The following COMMD10 variants were observed in gnomAD, a reference collection of about 807,000 sequenced individuals.
The protein encoded by COMMD10 is COMM domain-containing protein 10.
COMMD10 carries 33 observed loss-of-function variants against 28.9 expected under a neutral mutation model. The observed-to-expected ratio is 1.14, with a 90% CI of 0.87 to 1.53. The LOEUF is 1.53. Among genes scored for constraint, COMMD10 ranks in the 40% most tolerant of loss-of-function variants. The pLI, the probability that COMMD10 is intolerant of heterozygous loss-of-function variation, is 0.00. For missense variants in COMMD10, 310 were observed against 233.4 expected, an observed-to-expected ratio of 1.33 and a Z score of -2.14; for synonymous variants, 110 against 81.7, an observed-to-expected ratio of 1.35 and a Z score of -1.87.
At chr5:116,156,125 A>G (rs1402982038) in intron 5 of COMMD10, among the ~76,000 whole-genome samples, 1 of 152,118 alleles carries the variant, frequency 6.6e-6, no homozygotes, top group Non-Finnish European at 1.5e-5. Flanking sequence ...GCATTTATGT[A>G]CAAAATAAAG....
intron 5 of COMMD10, among the ~76,000 whole-genome samples, chr5:116,204,243 G>A (rs569252195): frequency 2.0e-5 from 3 of 152,242 alleles, no homozygotes; most frequent in East Asian, 1.9e-4. Context: ...CATAAAGCAA[G>A]TCCTAAGTGA....
intron 5 of COMMD10, among the ~76,000 whole-genome samples, chr5:116,279,237 T>C (rs1751001284): frequency 6.6e-6 from 1 of 151,840 alleles, no homozygotes; most frequent in African/African-American, 2.4e-5. Flanking sequence ...GTAGGAATCA[T>C]GGGCCAGAGT....
intron 1 of COMMD10, among the ~76,000 whole-genome samples, chr5:116,086,992 T>A (rs767283588): frequency 2.0e-5 from 3 of 152,202 alleles, no homozygotes; most frequent in Non-Finnish European, 4.4e-5. Flanking sequence ...TGATTACTGT[T>A]GTAATAATAA....
chr5:116,229,011 A>G (rs1749465000), intron 5 of COMMD10, among the ~76,000 whole-genome samples: 1 of 152,064 alleles, frequency 6.6e-6, no homozygotes, highest in Non-Finnish European at 1.5e-5. Flanking sequence ...ATTTGCCTAT[A>G]GACATTACAG....
intron 5 of COMMD10, among the ~76,000 whole-genome samples, chr5:116,211,790 ACT>A (rs1239682278): frequency 5.3e-5 from 8 of 152,182 alleles, no homozygotes; most frequent in South Asian, 2.1e-4. Flanking sequence ...GCACACGCAC[ACT>A]CTCTCACAGA....
At chr5:116,273,399 A>G (rs1041667894) in intron 5 of COMMD10, among the ~76,000 whole-genome samples, 3 of 151,790 alleles carry the variant, frequency 2.0e-5, no homozygotes, top group Non-Finnish European at 2.9e-5. Flanking sequence ...CCATTCTGTC[A>G]TTTTTCCTCA....
intron 5 of COMMD10, among the ~76,000 whole-genome samples, chr5:116,138,862 T>A (rs955353404): frequency 2.0e-5 from 3 of 151,782 alleles, no homozygotes; most frequent in African/African-American, 7.2e-5. Context: ...AGTTCTTTTT[T>A]AAAGTGTTTA....
intron 5 of COMMD10, among the ~76,000 whole-genome samples, chr5:116,194,084 A>C (rs1319035625): frequency 6.6e-6 from 1 of 152,158 alleles, no homozygotes; most frequent in African/African-American, 2.4e-5. Context: ...TCAAAAACAA[A>C]ATCAAGATGG....
At chr5:116,219,310 C>A (rs186759408) in intron 5 of COMMD10, among the ~76,000 whole-genome samples, 1 of 152,142 alleles carries the variant, frequency 6.6e-6, no homozygotes, top group Admixed American at 6.5e-5. Flanking sequence ...TCCCCTTCCC[C>A]TTCCCATTTT....
chr5:116,265,792 G>A (rs1337563031), intron 5 of COMMD10, among the ~76,000 whole-genome samples: 1 of 151,732 alleles, frequency 6.6e-6, no homozygotes, highest in Non-Finnish European at 1.5e-5. Context: ...AGGTCACACA[G>A]CCAGTGATTT....
intron 5 of COMMD10, among the ~76,000 whole-genome samples, chr5:116,137,166 A>T (rs947061029): frequency 7.2e-5 from 11 of 151,986 alleles, no homozygotes; most frequent in African/African-American, 2.7e-4. Flanking sequence ...TTGGTATTCT[A>T]TTCTTTGTAC....
intron 4 of COMMD10, among the ~76,000 whole-genome samples, chr5:116,131,863 A>G (rs1321652481): frequency 6.6e-6 from 1 of 152,074 alleles, no homozygotes; most frequent in African/African-American, 2.4e-5. Flanking sequence ...AAGAAGAGGC[A>G]TGTGAAACAG....
At chr5:116,153,188 G>T (rs1376979152) in intron 5 of COMMD10, among the ~76,000 whole-genome samples, 1 of 152,064 alleles carries the variant, frequency 6.6e-6, no homozygotes, top group African/African-American at 2.4e-5. Flanking sequence ...CATAGGTTAA[G>T]ATACAGGATA....
intron 5 of COMMD10, among the ~76,000 whole-genome samples, chr5:116,210,298 T>C (rs1056966205): frequency 2.6e-5 from 4 of 151,702 alleles, no homozygotes; most frequent in Non-Finnish European, 5.9e-5. Flanking sequence ...AAGCATTTTA[T>C]TCTGTTAAAT....
intron 5 of COMMD10, among the ~76,000 whole-genome samples, chr5:116,254,693 T>C (rs1296561671): frequency 6.6e-6 from 1 of 151,846 alleles, no homozygotes; most frequent in African/African-American, 2.4e-5. Flanking sequence ...TCTTTTACAT[T>C]TGCTGAGGAG....
At chr5:116,119,516 T>A (rs1299716245) in intron 4 of COMMD10, among the ~76,000 whole-genome samples, 1 of 151,846 alleles carries the variant, frequency 6.6e-6, no homozygotes, top group Non-Finnish European at 1.5e-5. Flanking sequence ...AAGTAGGCAG[T>A]CACTTGGATA....
intron 5 of COMMD10, among the ~76,000 whole-genome samples, chr5:116,190,012 GTATGTGACC>G (rs1748299969): frequency 6.6e-6 from 1 of 152,176 alleles, no homozygotes. Flanking sequence ...CAGAGGTGAT[GTATGTGACC>G]TATGCCTAAG....
At chr5:116,257,467 A>T (rs1462645805) in intron 5 of COMMD10, among the ~76,000 whole-genome samples, 1 of 151,764 alleles carries the variant, frequency 6.6e-6, no homozygotes, top group Non-Finnish European at 1.5e-5. Context: ...TATGAAATTT[A>T]TGAAAGGAAA....
chr5:116,133,339 G>A (rs1389319809), intron 4 of COMMD10, among the ~76,000 whole-genome samples: 1 of 152,162 alleles, frequency 6.6e-6, no homozygotes, highest in Non-Finnish European at 1.5e-5. Flanking sequence ...CTCTGCCTTA[G>A]TCTTCCTTTA....
Sources: allele counts gnomAD v4.1 joint callset (sites outside exome capture counted in the v4.1 genomes callset), GRCh38; gene constraint gnomAD v4.1.1; transcripts MANE v1.5; gene names NCBI Gene and HGNC (gene_info 2026-07-23, HGNC 2026-07-21).